ZBTB47: variants seen among roughly 807,000 people sequenced by gnomAD.
The protein encoded by ZBTB47 is zinc finger and BTB domain-containing protein 47.
ZBTB47 carries 24 observed loss-of-function variants against 56.6 expected under a neutral mutation model. That is an observed-to-expected ratio of 0.42 (90% CI 0.31 to 0.60). The LOEUF is 0.60. Among genes scored for constraint, ZBTB47 ranks in the 20% least tolerant of loss-of-function variants. ZBTB47 has a pLI of 0.14. For synonymous variants in ZBTB47, 414 were observed against 418.9 expected (o/e 0.99, Z 0.14); for missense variants, 829 against 1,032.6 (o/e 0.80, Z 2.70).
Position 42,654,940 on chromosome 3 carries a change from A to T in ZBTB47, c.-82+1057A>T, listed in dbSNP as rs1242475126. Among the ~76,000 whole-genome samples the T allele has an allele frequency of 1.3e-5, 2 of 151,478 alleles. No individual in the cohort carries two copies. Among genetic ancestry groups the T allele is most frequent in the Non-Finnish European group, 2.9e-5 (2 of 67,812 alleles). On this transcript the variant is annotated intron_variant, in intron 1 of 5. Transcript: ENST00000232974. This position sits in a 1 kb window ranked among gnomAD's most constrained non-coding sequence, Gnocchi z 5.0. ...GCGCGAGGCTGAGGTCTTGCTAGGC[A>T]CCGGCGAAGGGGGGCGCTCCCCTGC...
intron 2 of ZBTB47, 37 bp from the exon 3 acceptor site, chr3:42,661,448 C>T (rs775196314): frequency 6.2e-7 from 1 of 1,606,212 alleles, no homozygotes; most frequent in East Asian, 2.2e-5. Flanking sequence ...ACCCTGGGGA[C>T]TCAGGACCCA....
chr3:42,653,525 T>C (rs949790749), upstream of ZBTB47, among the ~76,000 whole-genome samples: 3 of 152,148 alleles, frequency 2.0e-5, no homozygotes, highest in African/African-American at 7.2e-5. Context: ...CATCCAGACC[T>C]TGCCAGGTCT....
chr3:42,659,499 C>T lies in ZBTB47; in HGVS notation c.1144C>T (p.Arg382Trp), dbSNP rs758224518. 20 of 1,536,044 alleles carry T rather than the reference C, an allele frequency of 1.3e-5. No homozygotes were observed. Among genetic ancestry groups the T allele is most frequent in the Admixed American group, 6.1e-5 (3 of 49,140 alleles). Reference sequence around the variant, plus strand: ...CCACAGTCACATGGCCACACGGTCCCGGGAGAACGCCCGGCGCCGGGGTAC... The same window carrying T: ...CCACAGTCACATGGCCACACGGTCCTGGGAGAACGCCCGGCGCCGGGGTAC... ...PPHSHMATRS[R>W]ENARRRGTPE... Residue 382 changes from arginine to tryptophan, a missense_variant, in exon 2 of 6, where the codon CGG (arginine) becomes TGG (tryptophan). This residue lies in a region of ZBTB47 where 359 missense variants were observed against 359.8 expected (regional missense o/e 1.00). Coordinates refer to ENST00000232974, the MANE Select transcript of ZBTB47 (RefSeq NM_145166.4).
rs959481363 is a variant in ZBTB47, at chr3:42,653,780, C to T, written c.-185C>T. ...CCCTACTCCTCTGGTCCCTCTGTCT[C>T]CTGGCCCTGGGCCAGTCACCTTAGA... On this transcript the variant is annotated 5_prime_UTR_variant, in exon 1 of 6. Transcript: ENST00000232974. 5.2e-5 allele frequency: 8 copies of T among 152,622 alleles called. No individual in the cohort carries two copies. The highest frequency in any genetic ancestry group is 3.9e-4 in the Admixed American group (6 of 15,292). 9.5% of individuals were successfully genotyped at this position (152,622 alleles called of 1,614,324 possible).
intron 3 of ZBTB47, 125 bp from the exon 4 acceptor site, chr3:42,662,887 A>G: frequency 1.5e-6 from 1 of 663,758 alleles, no homozygotes; most frequent in Non-Finnish European, 2.7e-6. Flanking sequence ...CCTGGGACAG[A>G]GTATAAGGCC....
rs1710662717 is a variant in ZBTB47 at position 42,658,332 on chromosome 3, G to A, written c.-24G>A. On this transcript the variant is annotated 5_prime_UTR_variant, in exon 2 of 6. It adds an upstream start codon to the 5' untranslated region. Coordinates refer to ENST00000232974, the MANE Select transcript of ZBTB47 (RefSeq NM_145166.4). ...GGCTGAGTTCTCGCTGGTGGAGGAC[G>A]TGGCGCTGCACTTTGCCTGCTTGAT... 4.6e-6 allele frequency: 7 copies of A among 1,515,694 alleles called. No homozygotes were observed. Among genetic ancestry groups the A allele is most frequent in the East Asian group, 2.5e-5 (1 of 40,712 alleles). The allele number at this position is 1,515,694 out of a possible 1,614,324, so 93.9% of individuals were successfully genotyped here.
intron 3 of ZBTB47, 58 bp from the exon 4 acceptor site, chr3:42,662,952 CAA>C: frequency 7.6e-7 from 1 of 1,312,756 alleles, no homozygotes; most frequent in South Asian, 1.2e-5. Flanking sequence ...GGTCTGGGCC[CAA>C]CGTCGGGGTG....
intron 2 of ZBTB47, among the ~76,000 whole-genome samples, chr3:42,660,381 C>G (rs932559005): frequency 5.3e-5 from 8 of 152,196 alleles, no homozygotes; most frequent in African/African-American, 1.9e-4. Flanking sequence ...GGAGGCAGCC[C>G]CCACTTTCAG....
upstream of ZBTB47, among the ~76,000 whole-genome samples, chr3:42,653,388 TG>T (rs1453807298): frequency 1.3e-5 from 2 of 152,036 alleles, no homozygotes; most frequent in Non-Finnish European, 2.9e-5. Flanking sequence ...CGCACATATG[TG>T]GGGAGGGGTG....
At chr3:42,660,114 A>C (rs1447243926) in intron 2 of ZBTB47, among the ~76,000 whole-genome samples, 1 of 152,264 alleles carries the variant, frequency 6.6e-6, no homozygotes, top group Non-Finnish European at 1.5e-5. Flanking sequence ...CAAAGGGGAC[A>C]CATGGACTTG....
In ZBTB47 at chr3:42,657,580, G is replaced by A. The variant is rs144059011; in HGVS notation, c.-81-695G>A. ...CCAGGCAGTGCAGCAGGACCAGAGT[G>A]GGGAGAAGGTATAGGCCCTGAGCCT... On this transcript the variant is annotated intron_variant, in intron 1 of 5. Coordinates refer to ENST00000232974, the MANE Select transcript of ZBTB47 (RefSeq NM_145166.4). 2.7e-3 allele frequency among the ~76,000 whole-genome samples: 408 copies of A among 152,304 alleles called. 2 individuals carry two copies. Among genetic ancestry groups the A allele is most frequent in the South Asian group, 4.6e-3 (22 of 4,826 alleles).
At position 42,664,514 on chromosome 3, in the gene ZBTB47, G is replaced by GCCC; in HGVS notation, c.2162_2163insCCC (p.Pro724dup). ...TGCTCCCGGGGCTGCCCCAGACCCT[G>GCCC]CCGCCCCCGCCCCACCTGCCGCCCC... On this transcript the variant is annotated inframe_insertion, in exon 6 of 6. Coordinates refer to ENST00000232974, the MANE Select transcript of ZBTB47 (RefSeq NM_145166.4). 4 of 1,379,826 alleles carry GCCC rather than the reference G, an allele frequency of 2.9e-6. No homozygotes were observed. The highest frequency in any genetic ancestry group is 3.7e-6 in the Non-Finnish European group (4 of 1,069,818). 85.5% of individuals were successfully genotyped at this position (1,379,826 alleles called of 1,614,324 possible).
At chr3:42,652,980 T>A (rs149564861), upstream of ZBTB47, among the ~76,000 whole-genome samples, 1 of 152,228 alleles carries the variant, frequency 6.6e-6, no homozygotes, top group Non-Finnish European at 1.5e-5. Flanking sequence ...TAAGCTGCTC[T>A]GGCCTGGCCT....
Position 42,658,972 on chromosome 3 carries a change from G to C in ZBTB47, c.617G>C (p.Ser206Thr), listed in dbSNP as rs754046472. The C allele has an allele frequency of 6.6e-7, 1 of 1,513,364 alleles. No individual in the cohort carries two copies. Among genetic ancestry groups the C allele is most frequent in the East Asian group, 2.5e-5 (1 of 40,712 alleles). The allele number at this position is 1,513,364 out of a possible 1,614,324, so 93.7% of individuals were successfully genotyped here. A position where few individuals can be genotyped will look rare whatever the true frequency, so the allele number is the denominator to read the frequency against. ...GAGGAGGCCGGTGGGCCCCCAGCCA[G>C]CTTGTGCAAGCTGGAGGGTGGAGAA... ...GVEEAGGPPA[S>T]LCKLEGGEEL... The change falls in exon 2 of 6, where the codon AGC becomes ACC. Residue 206 changes from serine to threonine, a missense_variant. Around this residue, in one of 6 missense-constraint regions of ZBTB47, gnomAD observed 359 missense variants for 359.8 expected, o/e 1.00. Transcript: ENST00000232974.
At position 42,666,387 on chromosome 3, in the gene ZBTB47, C is replaced by T. The variant is rs1253175856; in HGVS notation, c.*1789C>T. On this transcript the variant is annotated 3_prime_UTR_variant, in exon 6 of 6. Coordinates refer to ENST00000232974, the MANE Select transcript of ZBTB47 (RefSeq NM_145166.4). ...GACCCCCACCCCAAGGCTGGGGACT[C>T]CAGGCTCCTGCTTTACTGTAGCTCT... Among the ~76,000 whole-genome samples the T allele has an allele frequency of 2.6e-5, 4 of 152,184 alleles. No individual in the cohort carries two copies. In the East Asian group the frequency reaches 5.8e-4, roughly 22 times the overall value.
In ZBTB47 at chr3:42,656,991, G is replaced by A. The variant is rs941482465; in HGVS notation, c.-81-1284G>A. On this transcript the variant is annotated intron_variant, in intron 1 of 5. Transcript: ENST00000232974. This position sits in a 1 kb window ranked among gnomAD's most constrained non-coding sequence, Gnocchi z 5.8. ...CCCGAATGCAGGAGGCTCAGACCTG[G>A]TTGGGCAGGCCCTGAGGAGAGCCAG... 1.3e-5 allele frequency among the ~76,000 whole-genome samples: 2 copies of A among 152,224 alleles called. No individual in the cohort carries two copies.
At chr3:42,657,143 T>C (rs1315321879) in intron 1 of ZBTB47, among the ~76,000 whole-genome samples, 1 of 152,086 alleles carries the variant, frequency 6.6e-6, no homozygotes, top group Non-Finnish European at 1.5e-5. Flanking sequence ...CTGCCCACCT[T>C]TTGGGGAGGC....
In ZBTB47 at chr3:42,663,842, A is replaced by G. The variant is rs1262842884; in HGVS notation, c.1783A>G (p.Met595Val). 6.2e-7 allele frequency: 1 copy of G among 1,613,624 alleles called. No individual in the cohort carries two copies. The highest frequency in any genetic ancestry group is 1.3e-5 in the African/African-American group (1 of 74,934). The change falls in exon 5 of 6, where the codon ATG (methionine) becomes GTG (valine). Residue 595 changes from methionine to valine, a missense_variant. This residue lies in a region of ZBTB47 where 187 missense variants were observed against 253.1 expected (regional missense o/e 0.74). Transcript: ENST00000232974. This position sits in a 1 kb window ranked among gnomAD's most constrained non-coding sequence, Gnocchi z 5.1. The part of the protein sequence containing the change: ...FQYKYQLRSH[M>V]SIHIGHKQFM... ...GTACAAGTACCAGCTGCGGTCACACATGAGCATCCACATTGGCCACAAGCA... is the reference window on the plus strand; with the variant it reads ...GTACAAGTACCAGCTGCGGTCACACGTGAGCATCCACATTGGCCACAAGCA...
chr3:42,659,124 G>T lies in ZBTB47; in HGVS notation c.769G>T (p.Ala257Ser), dbSNP rs992676830. ...CACGGGGCCAGAGGGGAAGCCAGGT[G>T]CCGGGCCAAGCCCAGCCACCGTGGT... is the stretch of plus-strand genomic sequence containing the variant. The part of the protein sequence containing the change: ...VSTGPEGKPG[A>S]GPSPATVVLG... The change falls in exon 2 of 6, where the codon GCC (alanine) becomes TCC (serine). Residue 257 changes from alanine to serine, a missense_variant. Coordinates refer to ENST00000232974, the MANE Select transcript of ZBTB47 (RefSeq NM_145166.4). 6 of 1,497,738 alleles carry T rather than the reference G, an allele frequency of 4.0e-6. No homozygotes were observed. The African/African-American group carries it at 7.0e-5, about 17-fold the overall frequency. 92.8% of individuals were successfully genotyped at this position (1,497,738 alleles called of 1,614,324 possible). A position where few individuals can be genotyped will look rare whatever the true frequency, so the allele number is the denominator to read the frequency against.
Sources: allele counts gnomAD v4.1 joint callset (sites outside exome capture counted in the v4.1 genomes callset), GRCh38; gene constraint gnomAD v4.1.1; regional missense constraint gnomAD v4.1.1; non-coding constraint Gnocchi (gnomAD v3.1); transcripts MANE v1.5; gene names NCBI Gene and HGNC (gene_info 2026-07-23, HGNC 2026-07-21).